ATP1A1: variants seen among roughly 807,000 people sequenced by gnomAD.
The protein encoded by ATP1A1 is sodium/potassium-transporting ATPase subunit alpha-1.
In ATP1A1, 14 loss-of-function variants were observed where a neutral mutation model predicts 114.8. That is an observed-to-expected ratio of 0.12 (90% CI 0.08 to 0.19). The LOEUF is 0.19. ATP1A1 is among the 10% of genes least tolerant of loss of function. The probability of loss-of-function intolerance (pLI) is 1.00; values close to 1 mark genes in which losing one functional copy is unlikely to be tolerated. For missense variants in ATP1A1, 524 were observed against 1,290.7 expected (o/e 0.41, Z 9.10); for synonymous variants, 471 against 466.3 (o/e 1.01, Z -0.13).
In ATP1A1 at chr1:116,399,702, C is replaced by G. The variant is rs572774640; in HGVS notation, c.2572+159C>G. ...TGAGCCTGTGGAGTTTCTCTGAACT[C>G]TCTTCCATGTGAGAATACATCTGTT... On this transcript the variant is annotated intron_variant, in intron 18 of 22. Coordinates refer to ENST00000295598, the MANE Select transcript of ATP1A1 (RefSeq NM_000701.8). The surrounding 1 kb of genome is among the most constrained non-coding windows in gnomAD (Gnocchi z 5.0). Among the ~76,000 whole-genome samples, 1 of 152,216 alleles carries G rather than the reference C, an allele frequency of 6.6e-6. No individual in the cohort carries two copies. The highest frequency in any genetic ancestry group is 2.4e-5 in the African/African-American group (1 of 41,456).
At position 116,384,686 on chromosome 1, in the gene ATP1A1, T is replaced by A; in HGVS notation, c.124-97T>A. ...CTGAAGAAAACATCTGCACTTTGTT[T>A]AATAAGCTTAATGATAGTAATGAAT... is the stretch of plus-strand genomic sequence containing the variant. On this transcript the variant is annotated intron_variant, in intron 2 of 22. Coordinates refer to ENST00000295598, the MANE Select transcript of ATP1A1 (RefSeq NM_000701.8). The surrounding 1 kb of genome is among the most constrained non-coding windows in gnomAD (Gnocchi z 5.1). 9.1e-7 allele frequency: 1 copy of A among 1,095,800 alleles called. No individual in the cohort carries two copies. Among genetic ancestry groups the A allele is most frequent in the South Asian group, 1.4e-5 (1 of 69,310 alleles). 67.9% of individuals were successfully genotyped at this position (1,095,800 alleles called of 1,614,324 possible).
intron 1 of ATP1A1, among the ~76,000 whole-genome samples, chr1:116,377,841 G>A (rs1233168767): frequency 1.3e-5 from 2 of 152,212 alleles, no homozygotes; most frequent in Non-Finnish European, 2.9e-5. Context: ...ATCCCTGCCA[G>A]AGCTGTCCAA....
rs1651944306 is a variant in ATP1A1 at position 116,384,440 on chromosome 1, T to C, written c.123+316T>C. ...TTCAGCCTCTCCAGGCGATGGAAGC[T>C]TCCATAGACTTAACCTGTCTAGAAT... On this transcript the variant is annotated intron_variant, in intron 2 of 22. Transcript: ENST00000295598. This position sits in a 1 kb window ranked among gnomAD's most constrained non-coding sequence, Gnocchi z 5.1. Among the ~76,000 whole-genome samples, 1 of 152,184 alleles carries C rather than the reference T, an allele frequency of 6.6e-6. No homozygotes were observed.
In ATP1A1 at chr1:116,397,364, G is replaced by A. The variant is rs776020155; in HGVS notation, c.1974-524G>A. On this transcript the variant is annotated intron_variant, in intron 14 of 22. Coordinates refer to ENST00000295598, the MANE Select transcript of ATP1A1 (RefSeq NM_000701.8). The surrounding 1 kb of genome is among the most constrained non-coding windows in gnomAD (Gnocchi z 4.2). ...TGATGGAGTCTCGCTCTGTCATCCC[G>A]GTTGGAGTGCAGTGTCATGATCTTG... Among the ~76,000 whole-genome samples the A allele has an allele frequency of 1.3e-4, 20 of 151,928 alleles. No individual in the cohort carries two copies. The highest frequency in any genetic ancestry group is 2.1e-4 in the Non-Finnish European group (14 of 67,996).
At position 116,389,496 on chromosome 1, in the gene ATP1A1, C is replaced by G; in HGVS notation, c.812C>G (p.Ala271Gly). Residue 271 changes from alanine to glycine, a missense_variant, in exon 8 of 23, where the codon GCC becomes GGC. Coordinates refer to ENST00000295598, the MANE Select transcript of ATP1A1 (RefSeq NM_000701.8). This position sits in a 1 kb window ranked among gnomAD's most constrained non-coding sequence, Gnocchi z 6.9. ...GATCGCACTGTGATGGGAAGAATTG[C>G]CACACTTGCTTCTGGGCTGGAAGGA... ...TGDRTVMGRI[A>G]TLASGLEGGQ... 1 of 1,614,174 alleles carries G rather than the reference C, an allele frequency of 6.2e-7. No homozygotes were observed.
intron 18 of ATP1A1, among the ~76,000 whole-genome samples, chr1:116,400,226 A>G (rs1403636530): frequency 6.6e-6 from 1 of 152,244 alleles, no homozygotes; most frequent in East Asian, 1.9e-4. Context: ...AATATTGTGG[A>G]AATTATGGCA....
rs939887866 is a variant in ATP1A1 at position 116,395,383 on chromosome 1, A to G, written c.1836+98A>G. On this transcript the variant is annotated intron_variant, in intron 13 of 22. Transcript: ENST00000295598. This position sits in a 1 kb window ranked among gnomAD's most constrained non-coding sequence, Gnocchi z 6.4. ...TGAGGTCCAGATGGCCAGCTGTTCT[A>G]TCTCACCTGGAGTATTAATTTCTCA... 8.7e-5 allele frequency: 116 copies of G among 1,332,850 alleles called. 1 individual carries two copies. The African/African-American group carries it at 1.4e-3, about 16-fold the overall frequency. The allele number at this position is 1,332,850 out of a possible 1,614,324, so 82.6% of individuals were successfully genotyped here. A position where few individuals can be genotyped will look rare whatever the true frequency, so the allele number is the denominator to read the frequency against.
intron 12 of ATP1A1, 133 bp from the exon 13 acceptor site, chr1:116,394,977 A>T (rs1196039718): frequency 1.6e-5 from 14 of 863,544 alleles, no homozygotes; most frequent in Non-Finnish European, 2.3e-5. Flanking sequence ...TCACTCTGTT[A>T]TAAAAATATA....
chr1:116,400,711 G>A, intron 18 of ATP1A1, 150 bp from the exon 19 acceptor site: 1 of 940,184 alleles, frequency 1.1e-6, no homozygotes, highest in Admixed American at 2.6e-5. Context: ...GCCTGTGAGT[G>A]ACCAGGCAAT....
intron 10 of ATP1A1, among the ~76,000 whole-genome samples, chr1:116,391,509 A>C (rs10924079): frequency 0.033 from 5,096 of 152,270 alleles, 298 homozygotes; most frequent in African/African-American, 0.11. Context: ...AGGATCATGA[A>C]TTGTACAAAG....
intron 1 of ATP1A1, among the ~76,000 whole-genome samples, chr1:116,379,385 T>A (rs1415773734): frequency 1.3e-5 from 2 of 152,240 alleles, no homozygotes; most frequent in Admixed American, 6.5e-5. Context: ...TGCAGAGAAC[T>A]GCTGCTCCTG....
At position 116,389,353 on chromosome 1, in the gene ATP1A1, A is replaced by T; in HGVS notation, c.755-86A>T. The T allele has an allele frequency of 9.2e-6, 14 of 1,521,082 alleles. No individual in the cohort carries two copies. The Admixed American group carries it at 1.2e-4, about 13-fold the overall frequency. The allele number at this position is 1,521,082 out of a possible 1,614,324, so 94.2% of individuals were successfully genotyped here. On this transcript the variant is annotated intron_variant, in intron 7 of 22. Transcript: ENST00000295598. The surrounding 1 kb of genome is among the most constrained non-coding windows in gnomAD (Gnocchi z 6.9). ...TTTTATCAACTCTTTTTGTTTTTTT[A>T]GTCATCCTATGTAATTGTGTAAAAT... is the stretch of plus-strand genomic sequence containing the variant.
At chr1:116,383,360 A>G in intron 1 of ATP1A1, 18 of 1,049,780 alleles carry the variant, frequency 1.7e-5, no homozygotes, top group Non-Finnish European at 2.1e-5. Flanking sequence ...CACTAAAGAT[A>G]TTTAAATTTG....
chr1:116,401,105 T>A lies in ATP1A1; in HGVS notation c.2719-25T>A. 6.2e-7 allele frequency: 1 copy of A among 1,613,794 alleles called. No homozygotes were observed. Among genetic ancestry groups the A allele is most frequent in the Non-Finnish European group, 8.5e-7 (1 of 1,179,690 alleles). ...AGCCATGCAGGTGAAGAGCCAGAGC[T>A]CATCTTCTGTCTTCTGCATTTCAGA... On this transcript the variant is annotated intron_variant, in intron 19 of 22. Coordinates refer to ENST00000295598, the MANE Select transcript of ATP1A1 (RefSeq NM_000701.8). This position sits in a 1 kb window ranked among gnomAD's most constrained non-coding sequence, Gnocchi z 4.7.
At chr1:116,390,728 C>A in intron 9 of ATP1A1, 54 bp from the exon 10 acceptor site, 1 of 1,418,684 alleles carries the variant, frequency 7.0e-7, no homozygotes, top group Non-Finnish European at 9.9e-7. Flanking sequence ...ACTGAGAACA[C>A]AGCCTTTGAA....
intron 1 of ATP1A1, chr1:116,374,039 G>C (rs112392332): frequency 7.1e-7 from 1 of 1,403,742 alleles, no homozygotes; most frequent in Non-Finnish European, 9.3e-7. Context: ...CCGGGCCTCC[G>C]TTCCCGCCGC....
intron 10 of ATP1A1, 114 bp from the exon 11 acceptor site, chr1:116,392,740 C>T: frequency 7.7e-7 from 1 of 1,306,854 alleles, no homozygotes; most frequent in East Asian, 2.4e-5. Context: ...TCTTGCCCAT[C>T]CTCTGCTACC....
At position 116,374,007 on chromosome 1, in the gene ATP1A1, G is replaced by T. The variant is rs569948355; in HGVS notation, c.12+484G>T. ...AGGCGCGCTCCTCCCCTTCCCCTGG[G>T]GCGCTCCGCCGGGGCCTCCTCCCGG... On this transcript the variant is annotated intron_variant, in intron 1 of 22. Transcript: ENST00000295598. 1.1e-3 allele frequency: 1,403 copies of T among 1,321,728 alleles called. 1 individual carries two copies. Among genetic ancestry groups the T allele is most frequent in the Non-Finnish European group, 1.3e-3 (1,330 of 1,051,568 alleles). 81.9% of individuals were successfully genotyped at this position (1,321,728 alleles called of 1,614,324 possible).
intron 18 of ATP1A1, among the ~76,000 whole-genome samples, chr1:116,400,582 G>A (rs537004166): frequency 8.5e-4 from 129 of 152,330 alleles, no homozygotes; most frequent in African/African-American, 2.9e-3. Context: ...TCAAGTAACA[G>A]GTGGGCATTT....
Sources: gnomAD v4.1 joint callset for allele counts (sites outside exome capture counted in the v4.1 genomes callset) on GRCh38, gnomAD v4.1.1 for gene constraint, Gnocchi (gnomAD v3.1) non-coding constraint, MANE v1.5 for transcripts, NCBI Gene and HGNC (gene_info 2026-07-23, HGNC 2026-07-21) for gene names.